Variants in CLDN10 observed in about 807,000 individuals in gnomAD.
CLDN10 encodes claudin 10, also known as claudin-10.
CLDN10 carries 15 observed loss-of-function variants against 22.9 expected under a neutral mutation model. That is an observed-to-expected ratio of 0.65 (90% CI 0.44 to 1.01). CLDN10 has a LOEUF of 1.01. CLDN10 is among the 50% of genes least tolerant of loss of function. The pLI, the probability that CLDN10 is intolerant of heterozygous loss-of-function variation, is 0.00. For synonymous variants in CLDN10, 114 were observed against 111.4 expected, an observed-to-expected ratio of 1.02 and a Z score of -0.15; for missense variants, 247 against 287.8, an observed-to-expected ratio of 0.86 and a Z score of 1.03.
At chr13:95,465,792 C>CA in intron 1 of CLDN10, among the ~76,000 whole-genome samples, 1 of 152,314 alleles carries the variant, frequency 6.6e-6, no homozygotes, top group East Asian at 1.9e-4. Context: ...CTTCGATACT[C>CA]AGAGTCTTTC....
At chr13:95,441,215 G>T (rs141298613) in intron 1 of CLDN10, among the ~76,000 whole-genome samples, 1,863 of 152,328 alleles carry the variant, frequency 0.012, 42 homozygotes, top group African/African-American at 0.043. Context: ...TCCTAGGGAA[G>T]TGTTTAGAAC....
At chr13:95,503,604 G>A (rs115452548) in intron 1 of CLDN10, among the ~76,000 whole-genome samples, 200 of 152,236 alleles carry the variant, frequency 1.3e-3, no homozygotes, top group African/African-American at 4.7e-3. Flanking sequence ...GTCCGTGGGT[G>A]GATGAATGGA....
intron 1 of CLDN10, among the ~76,000 whole-genome samples, chr13:95,536,156 A>G (rs1188606013): frequency 6.8e-6 from 1 of 146,166 alleles, no homozygotes; most frequent in Non-Finnish European, 1.5e-5. Context: ...GATATCTTTA[A>G]ATACATTTGT....
intron 1 of CLDN10, among the ~76,000 whole-genome samples, chr13:95,532,108 T>G (rs1263567756): frequency 6.6e-6 from 1 of 152,002 alleles, no homozygotes; most frequent in Admixed American, 6.6e-5. Flanking sequence ...TAGGCAAAGG[T>G]TTCATAAGAT....
intron 1 of CLDN10, among the ~76,000 whole-genome samples, chr13:95,441,081 C>T (rs987847339): frequency 1.3e-5 from 2 of 152,194 alleles, no homozygotes; most frequent in Non-Finnish European, 1.5e-5. Context: ...GCTTAGAAGG[C>T]ACTCAACGAA....
chr13:95,492,132 G>A (rs371237718), intron 1 of CLDN10, among the ~76,000 whole-genome samples: 1 of 152,158 alleles, frequency 6.6e-6, no homozygotes, highest in East Asian at 1.9e-4. Context: ...CTATTTTTGT[G>A]CTGGTTGGCC....
intron 1 of CLDN10, among the ~76,000 whole-genome samples, chr13:95,517,304 C>G (rs1253277523): frequency 6.6e-6 from 1 of 152,180 alleles, no homozygotes. Flanking sequence ...GTCGGGGCAG[C>G]CATTGCCCTT....
intron 1 of CLDN10, among the ~76,000 whole-genome samples, chr13:95,444,848 G>T (rs1206387327): frequency 6.6e-6 from 1 of 152,204 alleles, no homozygotes; most frequent in East Asian, 1.9e-4. Flanking sequence ...AGGCTGGAGT[G>T]CAGTGGTGCT....
At chr13:95,487,535 G>GA (rs1284040252) in intron 1 of CLDN10, among the ~76,000 whole-genome samples, 1 of 151,808 alleles carries the variant, frequency 6.6e-6, no homozygotes, top group South Asian at 2.1e-4. Context: ...GTTTCATTAG[G>GA]AAAAAAAGAA....
chr13:95,555,534 G>A (rs1566334862), intron 1 of CLDN10, among the ~76,000 whole-genome samples: 5 of 152,198 alleles, frequency 3.3e-5, no homozygotes, highest in Admixed American at 3.3e-4. Flanking sequence ...TATGTAGGTT[G>A]CAATCTCACA....
chr13:95,496,058 G>A (rs920295983), intron 1 of CLDN10, among the ~76,000 whole-genome samples: 23 of 152,086 alleles, frequency 1.5e-4, no homozygotes, highest in African/African-American at 5.1e-4. Context: ...GGAATATTTG[G>A]GCTCTTTTCC....
At chr13:95,499,916 G>A (rs1337426131) in intron 1 of CLDN10, among the ~76,000 whole-genome samples, 3 of 152,124 alleles carry the variant, frequency 2.0e-5, no homozygotes, top group African/African-American at 7.2e-5. Flanking sequence ...GATACCTGAT[G>A]AGCACAAAGA....
chr13:95,506,441 C>G (rs2043039744), intron 1 of CLDN10, among the ~76,000 whole-genome samples: 1 of 152,136 alleles, frequency 6.6e-6, no homozygotes. Flanking sequence ...AAAGGTATCT[C>G]CATGGATGTT....
intron 1 of CLDN10, among the ~76,000 whole-genome samples, chr13:95,547,237 C>G (rs1262700241): frequency 6.6e-6 from 1 of 151,850 alleles, no homozygotes; most frequent in Non-Finnish European, 1.5e-5. Context: ...TTTGCAAGCG[C>G]CTCACTCCCA....
intron 1 of CLDN10, among the ~76,000 whole-genome samples, chr13:95,530,516 C>T (rs1217852906): frequency 6.6e-6 from 1 of 152,088 alleles, no homozygotes; most frequent in Non-Finnish European, 1.5e-5. Flanking sequence ...CCCTTCCCTG[C>T]CTGAGTATAC....
intron 1 of CLDN10, among the ~76,000 whole-genome samples, chr13:95,448,897 G>A (rs1437614369): frequency 6.0e-5 from 8 of 132,364 alleles, no homozygotes; most frequent in Admixed American, 2.2e-4. Flanking sequence ...ATGCCACCAC[G>A]CCCAGCTATT....
intron 1 of CLDN10, among the ~76,000 whole-genome samples, chr13:95,440,531 C>G (rs898636098): frequency 6.6e-6 from 1 of 152,094 alleles, no homozygotes; most frequent in African/African-American, 2.4e-5. Flanking sequence ...TTAAAAATAG[C>G]CAAGCATGGC....
chr13:95,517,953 A>AAAAAAAG (rs1555295127), intron 1 of CLDN10, among the ~76,000 whole-genome samples: 1 of 127,240 alleles, frequency 7.9e-6, no homozygotes, highest in African/African-American at 3.1e-5. Flanking sequence ...AAAAAAAAAA[A>AAAAAAAG]AGAGAGATTG....
At chr13:95,537,167 T>C (rs554766734) in intron 1 of CLDN10, among the ~76,000 whole-genome samples, 1 of 152,350 alleles carries the variant, frequency 6.6e-6, no homozygotes, top group African/African-American at 2.4e-5. Flanking sequence ...AACCTCTCTG[T>C]TTACAATCTT....
Sources: allele counts gnomAD v4.1 joint callset (sites outside exome capture counted in the v4.1 genomes callset), GRCh38; gene constraint gnomAD v4.1.1; transcripts MANE v1.5; gene names NCBI Gene and HGNC (gene_info 2026-07-23, HGNC 2026-07-21).